VSTM5: variants seen among roughly 807,000 people sequenced by gnomAD.
VSTM5 encodes V-set and transmembrane domain-containing protein 5.
Under a neutral mutation model 20.3 loss-of-function variants are expected in VSTM5, and 21 were observed. The observed-to-expected ratio is 1.03, with a 90% confidence interval of 0.73 to 1.49. The LOEUF is 1.49. VSTM5 is among the 40% of genes most tolerant of loss of function. VSTM5 has a pLI of 0.00. For synonymous variants in VSTM5, 100 were observed against 102.5 expected (o/e 0.98, Z 0.14); for missense variants, 219 against 250.0 (o/e 0.88, Z 0.84).
In VSTM5 at chr11:93,850,409, TA is replaced by T. The variant is rs1291099064; in HGVS notation, c.91+2del. ...AGCACCCGGGGCGTCCCCCGGAGCT[TA>T]CTCTGCAGACAGCGGGCTGCGGCCA... is the stretch of plus-strand genomic sequence containing the variant. On this transcript the variant is annotated splice_donor_variant, in intron 1 of 3. Coordinates refer to ENST00000409977, the MANE Select transcript of VSTM5 (RefSeq NM_001144871.2). LOFTEE classifies it high-confidence loss of function. 8.1e-5 allele frequency: 126 copies of T among 1,547,854 alleles called. No homozygotes were observed. Among genetic ancestry groups the T allele is most frequent in the Admixed American group, 1.6e-4 (8 of 50,734 alleles).
chr11:93,849,777 CCAGGCTGGG>C (rs1201463975), intron 1 of VSTM5, among the ~76,000 whole-genome samples: 1 of 152,246 alleles, frequency 6.6e-6, no homozygotes, highest in African/African-American at 2.4e-5. Context: ...TCCAGGCTCA[CCAGGCTGGG>C]GATTCCGGGT....
intron 1 of VSTM5, among the ~76,000 whole-genome samples, chr11:93,839,130 T>C (rs1944348090): frequency 6.6e-6 from 1 of 152,204 alleles, no homozygotes; most frequent in Non-Finnish European, 1.5e-5. Flanking sequence ...TGATCTGAAC[T>C]GGGCCAATCA....
At chr11:93,846,692 A>C in intron 1 of VSTM5, among the ~76,000 whole-genome samples, 1 of 151,462 alleles carries the variant, frequency 6.6e-6, no homozygotes, top group East Asian at 1.9e-4. Flanking sequence ...GGATAGAGCT[A>C]AAAAAAATTG....
intron 1 of VSTM5, among the ~76,000 whole-genome samples, chr11:93,833,588 T>C (rs1944299614): frequency 2.0e-5 from 3 of 152,166 alleles, no homozygotes; most frequent in Admixed American, 2.0e-4. Flanking sequence ...GTATTACATA[T>C]GTGGCTTGCA....
chr11:93,844,641 C>T (rs926579208), intron 1 of VSTM5, among the ~76,000 whole-genome samples: 5 of 152,160 alleles, frequency 3.3e-5, no homozygotes, highest in Non-Finnish European at 7.3e-5. Context: ...AGGTGGTTGT[C>T]CTCACAGTTC....
At chr11:93,849,942 G>A (rs1183760050) in intron 1 of VSTM5, among the ~76,000 whole-genome samples, 2 of 152,250 alleles carry the variant, frequency 1.3e-5, no homozygotes, top group Admixed American at 6.5e-5. Context: ...GACTGATAAG[G>A]AGGCCTGATT....
intron 1 of VSTM5, among the ~76,000 whole-genome samples, chr11:93,839,766 T>G (rs1018791956): frequency 6.6e-6 from 1 of 152,156 alleles, no homozygotes; most frequent in East Asian, 1.9e-4. Context: ...TGTTATGGTT[T>G]GAATAGTGTG....
Position 93,850,427 on chromosome 11 carries a change from C to CTGCG in VSTM5, c.72_75dup (p.Ala26ArgfsTer32). 1.3e-6 allele frequency: 2 copies of CTGCG among 1,549,116 alleles called. No individual in the cohort carries two copies. The highest frequency in any genetic ancestry group is 1.7e-6 in the Non-Finnish European group (2 of 1,146,220). ...CGGAGCTTACTCTGCAGACAGCGGGCTGCGGCCAGGCAGAGGGCGAAGAGT... is the reference window on the plus strand; with the variant it reads ...CGGAGCTTACTCTGCAGACAGCGGGCTGCGTGCGGCCAGGCAGAGGGCGAAGAGT... On this transcript the variant is annotated frameshift_variant, in exon 1 of 4. Transcript: ENST00000409977. LOFTEE classifies it high-confidence loss of function.
rs151243428 is a variant in VSTM5 at position 93,831,097 on chromosome 11, T to G, written c.92-9774A>C. 9.1e-3 allele frequency among the ~76,000 whole-genome samples: 1,378 copies of G among 152,058 alleles called. 19 individuals are homozygous for G. Among genetic ancestry groups the G allele is most frequent in the African/African-American group, 0.032 (1,328 of 41,486 alleles). ...TGTTTTGAGACACAGTCTTGCTCTGTTGCCCAGGCTAGAGTACAGTGGCGC... is the reference window on the plus strand; with the variant it reads ...TGTTTTGAGACACAGTCTTGCTCTGGTGCCCAGGCTAGAGTACAGTGGCGC... On this transcript the variant is annotated intron_variant, in intron 1 of 3. Transcript: ENST00000409977.
rs978954901 is a variant in VSTM5 at position 93,848,030 on chromosome 11, A to C, written c.91+2382T>G. 3.9e-5 allele frequency among the ~76,000 whole-genome samples: 6 copies of C among 152,132 alleles called. No individual in the cohort carries two copies. In the East Asian group the frequency reaches 7.7e-4, roughly 20 times the overall value. On this transcript the variant is annotated intron_variant, in intron 1 of 3. Transcript: ENST00000409977. The stretch of plus-strand genomic sequence containing the variant: ...CCACCTCAAGACCTCATCTAAACCA[A>C]ATCACCTCCCTAAATCCCCTCCTCC...
At chr11:93,850,342 C>T (rs1944448850) in intron 1 of VSTM5, 70 bp downstream of exon 1, 16 of 1,395,616 alleles carry the variant, frequency 1.1e-5, no homozygotes, top group African/African-American at 3.0e-5. Flanking sequence ...CTGCTAGACC[C>T]CGGGGCCCCG....
chr11:93,844,307 G>A (rs182871875), intron 1 of VSTM5, among the ~76,000 whole-genome samples: 6 of 152,294 alleles, frequency 3.9e-5, no homozygotes, highest in Admixed American at 2.6e-4. Context: ...TCCAGTCCCA[G>A]AGTGAGTCTG....
At chr11:93,827,449 G>T (rs1944248057) in intron 1 of VSTM5, among the ~76,000 whole-genome samples, 1 of 152,202 alleles carries the variant, frequency 6.6e-6, no homozygotes, top group Non-Finnish European at 1.5e-5. Flanking sequence ...CAAACTGCTT[G>T]TTGATTATTT....
At position 93,820,873 on chromosome 11, in the gene VSTM5, A is replaced by T; in HGVS notation, c.429T>A (p.Tyr143Ter). ...TGACAGCGACAAAGTGCAGGTCTTC[A>T]TAGAGGATCTCTATGGAGTGAGGGT... ...TIVLHVSEIL[Y>*]EDLHFVAVIL... is the part of the protein sequence containing the mutation. The change falls in exon 3 of 4, where the codon TAT (tyrosine) becomes TAA (stop). Residue 143 changes from tyrosine to a stop codon, truncating the protein, a stop_gained. Transcript: ENST00000409977. LOFTEE classifies it high-confidence loss of function. 1 of 1,550,774 alleles carries T rather than the reference A, an allele frequency of 6.4e-7. No individual in the cohort carries two copies. Among genetic ancestry groups the T allele is most frequent in the South Asian group, 1.2e-5 (1 of 84,066 alleles).
intron 1 of VSTM5, among the ~76,000 whole-genome samples, chr11:93,838,236 C>T (rs983078870): frequency 2.6e-5 from 4 of 152,118 alleles, no homozygotes; most frequent in African/African-American, 7.2e-5. Flanking sequence ...CTTTAGGAGG[C>T]CTAAGGCGGG....
At chr11:93,824,961 A>G (rs1944220620) in intron 1 of VSTM5, among the ~76,000 whole-genome samples, 1 of 152,224 alleles carries the variant, frequency 6.6e-6, no homozygotes, top group Non-Finnish European at 1.5e-5. Context: ...TTAGTCAAAT[A>G]TTAGTTGACC....
At chr11:93,842,048 G>A (rs1254665218) in intron 1 of VSTM5, among the ~76,000 whole-genome samples, 1 of 152,178 alleles carries the variant, frequency 6.6e-6, no homozygotes, top group African/African-American at 2.4e-5. Context: ...ATAGTGCTGT[G>A]CCCGCCTCCT....
intron 1 of VSTM5, among the ~76,000 whole-genome samples, chr11:93,839,679 C>T (rs1944354866): frequency 6.6e-6 from 1 of 152,196 alleles, no homozygotes; most frequent in South Asian, 2.1e-4. Context: ...CTGCAGGCTA[C>T]AGGTAAGGAT....
At chr11:93,849,399 C>T (rs771397878) in intron 1 of VSTM5, among the ~76,000 whole-genome samples, 78 of 152,200 alleles carry the variant, frequency 5.1e-4, no homozygotes, top group African/African-American at 9.7e-4. Flanking sequence ...TCAAGGGATC[C>T]GCTGGCCTCG....
Sources: allele counts gnomAD v4.1 joint callset (sites outside exome capture counted in the v4.1 genomes callset), GRCh38; gene constraint gnomAD v4.1.1; transcripts MANE v1.5; gene names NCBI Gene and HGNC (gene_info 2026-07-23, HGNC 2026-07-21).